CRX: variants seen among roughly 807,000 people sequenced by gnomAD.
The protein encoded by CRX is cone-rod homeobox.
Under a neutral mutation model 13.1 loss-of-function variants are expected in CRX, and 5 were observed. The ratio of observed to expected loss-of-function variants is 0.38; its 90% CI spans 0.20 to 0.80. CRX has a LOEUF of 0.80. Among genes scored for constraint, CRX ranks in the 30% least tolerant of loss-of-function variants. The pLI, the probability that CRX is intolerant of heterozygous loss-of-function variation, is 0.43. For synonymous variants in CRX, 179 were observed against 171.1 expected, an observed-to-expected ratio of 1.05 and a Z score of -0.36; for missense variants, 351 against 391.8, an observed-to-expected ratio of 0.90 and a Z score of 0.88.
chr19:47,840,278 A>C lies in CRX; in HGVS notation c.*311A>C. 3.5e-6 allele frequency: 1 copy of C among 283,868 alleles called. No homozygotes were observed. Among genetic ancestry groups the C allele is most frequent in the Non-Finnish European group, 6.5e-6 (1 of 153,170 alleles). 17.6% of individuals were successfully genotyped at this position (283,868 alleles called of 1,614,324 possible). On this transcript the variant is annotated 3_prime_UTR_variant, in exon 4 of 4. Coordinates refer to ENST00000221996, the MANE Select transcript of CRX (RefSeq NM_000554.6). ...AGTGGTGCTGAGAACTTGCTCCAAG[A>C]AGAAGTCAAACCAAACTTGCAGTTG...
In CRX at chr19:47,836,268, G is replaced by C. The variant is rs759088105; in HGVS notation, c.126G>C (p.Glu42Asp). ...GCGCCCCCAGGAAGCAGCGGCGGGAGCGCACCACCTTCACCCGGAGCCAAC... is the reference window on the plus strand; with the variant it reads ...GCGCCCCCAGGAAGCAGCGGCGGGACCGCACCACCTTCACCCGGAGCCAAC... ...YPSAPRKQRR[E>D]RTTFTRSQLE... Residue 42 changes from glutamate to aspartate, a missense_variant, in exon 3 of 4, where the codon GAG becomes GAC. Glu to Asp is a conservative substitution (Grantham distance 45). Around this residue, in one of 3 missense-constraint regions of CRX, gnomAD observed 95 missense variants for 106.7 expected, o/e 0.89. Transcript: ENST00000221996. The C allele has an allele frequency of 9.9e-6, 16 of 1,614,178 alleles. No individual in the cohort carries two copies. The South Asian group carries it at 1.5e-4, about 16-fold the overall frequency.
rs1240545539 is a variant in CRX at position 47,840,902 on chromosome 19, C to T, written c.*935C>T. Reference sequence around the variant, plus strand: ...CTAATTTTTCTATTATTAGTAGAGACAGGGTTTTACCATGTTGGCCAGGCT... The same window carrying T: ...CTAATTTTTCTATTATTAGTAGAGATAGGGTTTTACCATGTTGGCCAGGCT... On this transcript the variant is annotated 3_prime_UTR_variant, in exon 4 of 4. Coordinates refer to ENST00000221996, the MANE Select transcript of CRX (RefSeq NM_000554.6). 1 of 151,438 alleles carries T rather than the reference C, an allele frequency of 6.6e-6. No individual in the cohort carries two copies. The highest frequency in any genetic ancestry group is 1.5e-5 in the Non-Finnish European group (1 of 67,946). 9.4% of individuals were successfully genotyped at this position (151,438 alleles called of 1,614,324 possible).
chr19:47,823,413 A>T (rs569850144), intron 1 of CRX, among the ~76,000 whole-genome samples: 12 of 152,278 alleles, frequency 7.9e-5, no homozygotes, highest in South Asian at 2.1e-4. Context: ...TGCTTCAGGG[A>T]TCACATTGTT....
In CRX at chr19:47,840,220, G is replaced by A. The variant is rs572453987; in HGVS notation, c.*253G>A. 8 of 512,404 alleles carry A rather than the reference G, an allele frequency of 1.6e-5. No individual in the cohort carries two copies. In the East Asian group the frequency reaches 1.7e-4, roughly 11 times the overall value. 31.7% of individuals were successfully genotyped at this position (512,404 alleles called of 1,614,324 possible). The stretch of plus-strand genomic sequence containing the variant: ...AACACCGTCTGGCACGATTGTGACC[G>A]CTGAAGTACACCACGAGCTCCAGGC... On this transcript the variant is annotated 3_prime_UTR_variant, in exon 4 of 4. Coordinates refer to ENST00000221996, the MANE Select transcript of CRX (RefSeq NM_000554.6).
chr19:47,841,805 G>C lies in CRX; in HGVS notation c.*1838G>C, dbSNP rs1968200490. The stretch of plus-strand genomic sequence containing the variant: ...CCGAGTTCTCCTTTCATTTTTGGGT[G>C]GGGAGGCGGGTTCCAAGAGCCCTTC... On this transcript the variant is annotated 3_prime_UTR_variant, in exon 4 of 4. Transcript: ENST00000221996. 1 of 151,708 alleles carries C rather than the reference G, an allele frequency of 6.6e-6. No individual in the cohort carries two copies. The highest frequency in any genetic ancestry group is 1.5e-5 in the Non-Finnish European group (1 of 67,976). The allele number at this position is 151,708 out of a possible 1,614,324, so 9.4% of individuals were successfully genotyped here.
intron 3 of CRX, 73 bp downstream of exon 3, chr19:47,836,467 G>A: frequency 6.3e-7 from 1 of 1,587,870 alleles, no homozygotes; most frequent in Non-Finnish European, 8.6e-7. Context: ...AACAAAGAGT[G>A]ATGGGAGGAG....
At chr19:47,828,085 C>T (rs1036603449) in intron 1 of CRX, among the ~76,000 whole-genome samples, 1 of 151,254 alleles carries the variant, frequency 6.6e-6, no homozygotes, top group African/African-American at 2.4e-5. Context: ...CCCTGGGAGG[C>T]AGAGGCTGCA....
rs573299609 is a variant in CRX, at chr19:47,825,952, A to C, written c.-36+3942A>C. 3.9e-5 allele frequency among the ~76,000 whole-genome samples: 6 copies of C among 152,228 alleles called. No homozygotes were observed. In the East Asian group the frequency reaches 1.2e-3, roughly 29 times the overall value. On this transcript the variant is annotated intron_variant, in intron 1 of 3. Transcript: ENST00000221996. ...ACAACAACAAAAACAAAAACCCAGA[A>C]AGTGGTGATCGTAAATGTGAGCTTT...
rs999829910 is a variant in CRX at position 47,840,246 on chromosome 19, T to A, written c.*279T>A. On this transcript the variant is annotated 3_prime_UTR_variant, in exon 4 of 4. Transcript: ENST00000221996. ...CTGAAGTACACCACGAGCTCCAGGCTTCAGAAAGTGGTGCTGAGAACTTGC... is the reference window on the plus strand; with the variant it reads ...CTGAAGTACACCACGAGCTCCAGGCATCAGAAAGTGGTGCTGAGAACTTGC... 1.1e-5 allele frequency: 5 copies of A among 453,442 alleles called. No individual in the cohort carries two copies. Among genetic ancestry groups the A allele is most frequent in the Non-Finnish European group, 1.6e-5 (4 of 249,090 alleles). The allele number at this position is 453,442 out of a possible 1,614,324, so 28.1% of individuals were successfully genotyped here.
intron 1 of CRX, among the ~76,000 whole-genome samples, chr19:47,832,714 G>A (rs1320030218): frequency 6.6e-6 from 1 of 152,020 alleles, no homozygotes; most frequent in Non-Finnish European, 1.5e-5. Context: ...TCAAACTCCT[G>A]ACCTCAAGTG....
Position 47,840,391 on chromosome 19 carries a change from A to AT in CRX, c.*435dup, listed in dbSNP as rs886054551. 0.016 allele frequency: 3,205 copies of AT among 195,192 alleles called. 32 individuals carry two copies. The highest frequency in any genetic ancestry group is 0.042 in the African/African-American group (1,736 of 41,460). The allele number at this position is 195,192 out of a possible 1,614,324, so 12.1% of individuals were successfully genotyped here. On this transcript the variant is annotated 3_prime_UTR_variant, in exon 4 of 4. Coordinates refer to ENST00000221996, the MANE Select transcript of CRX (RefSeq NM_000554.6). Reference sequence around the variant, plus strand: ...TAACTTAACTTTCCACGTGGACAGAATTTTTTTTTTTGTTTTGTTTTTGTT... The same window carrying AT: ...TAACTTAACTTTCCACGTGGACAGAATTTTTTTTTTTTGTTTTGTTTTTGTT...
At chr19:47,831,360 A>G (rs940234563) in intron 1 of CRX, among the ~76,000 whole-genome samples, 3 of 150,820 alleles carry the variant, frequency 2.0e-5, no homozygotes, top group African/African-American at 7.3e-5. Context: ...ACAGTCCCTT[A>G]GAATAGGGTC....
chr19:47,825,345 C>T (rs1967962695), intron 1 of CRX, among the ~76,000 whole-genome samples: 1 of 152,026 alleles, frequency 6.6e-6, no homozygotes, highest in Admixed American at 6.6e-5. Context: ...ACTGCAGCCT[C>T]CAACTCCTGG....
chr19:47,824,305 C>T (rs548110084), intron 1 of CRX, among the ~76,000 whole-genome samples: 29 of 152,226 alleles, frequency 1.9e-4, no homozygotes, highest in African/African-American at 4.1e-4. Context: ...CTCTGAGCTC[C>T]GTGGGGCTGT....
chr19:47,822,053 A>G (rs943951868), intron 1 of CRX, 43 bp downstream of exon 1: 3 of 152,864 alleles, frequency 2.0e-5, no homozygotes, highest in African/African-American at 7.2e-5. Context: ...AGGAGGGGAG[A>G]AAAAAGAGAG....
intron 1 of CRX, among the ~76,000 whole-genome samples, chr19:47,825,136 T>C (rs780496242): frequency 6.6e-6 from 1 of 151,270 alleles, no homozygotes; most frequent in Non-Finnish European, 1.5e-5. Context: ...GACAACACCA[T>C]GCCCGGCTAA....
intron 2 of CRX, 119 bp from the exon 3 acceptor site, chr19:47,836,123 TC>T (rs1968114438): frequency 7.8e-7 from 1 of 1,274,862 alleles, no homozygotes; most frequent in African/African-American, 1.5e-5. Flanking sequence ...GAATGTGTAT[TC>T]CATCCTTAGT....
chr19:47,823,117 T>C (rs1967931884), intron 1 of CRX, among the ~76,000 whole-genome samples: 1 of 152,098 alleles, frequency 6.6e-6, no homozygotes, highest in African/African-American at 2.4e-5. Context: ...AAACTCTTGA[T>C]TGACACCTTG....
chr19:47,824,990 ATTTTT>A (rs11374819), intron 1 of CRX, among the ~76,000 whole-genome samples: 1 of 100,404 alleles, frequency 1.0e-5, no homozygotes. Flanking sequence ...CGATTGATTG[ATTTTT>A]TTTTTTTTTT....
Sources: allele counts gnomAD v4.1 joint callset (sites outside exome capture counted in the v4.1 genomes callset), GRCh38; gene constraint gnomAD v4.1.1; regional missense constraint gnomAD v4.1.1; transcripts MANE v1.5; gene names NCBI Gene and HGNC (gene_info 2026-07-23, HGNC 2026-07-21).